Variants in PLOD1 observed in about 807,000 individuals in gnomAD.
PLOD1 encodes lysine hydroxylase.
A neutral mutation model predicts 94.7 loss-of-function variants in PLOD1; 70 were observed. The ratio of observed to expected loss-of-function variants is 0.74; its 90% CI spans 0.61 to 0.90. The LOEUF (loss-of-function observed/expected upper bound fraction) is 0.90, where lower values mean the gene tolerates loss of function less well. Among genes scored for constraint, PLOD1 ranks in the 40% least tolerant of loss-of-function variants. PLOD1 has a pLI of 0.00. For missense variants in PLOD1, 905 were observed against 972.7 expected (o/e 0.93, Z 0.93); for synonymous variants, 417 against 400.2 (o/e 1.04, Z -0.50).
chr1:11,954,528 G>A (rs564203102), intron 5 of PLOD1: 3 of 665,486 alleles, frequency 4.5e-6, no homozygotes, highest in Admixed American at 1.8e-5. Context: ...GTGTAGTGGA[G>A]TGCTTGGCAG....
Position 11,957,032 on chromosome 1 carries a change from C to A in PLOD1, c.741+18C>A. On this transcript the variant is annotated intron_variant, in intron 7 of 18. Transcript: ENST00000196061. The surrounding 1 kb of genome is among the most constrained non-coding windows in gnomAD (Gnocchi z 4.1). ...CAACCAAGGTAGGGGGTCCCCAGCC[C>A]CTGGGGAGTGTGGGAGGGGGCCAGA... 6.6e-7 allele frequency: 1 copy of A among 1,522,648 alleles called. No homozygotes were observed. Among genetic ancestry groups the A allele is most frequent in the South Asian group, 1.1e-5 (1 of 89,170 alleles). 94.3% of individuals were successfully genotyped at this position (1,522,648 alleles called of 1,614,324 possible).
In PLOD1 at chr1:11,967,658, A is replaced by AT. The variant is rs1553136726; in HGVS notation, c.1755+575dup. Among the ~76,000 whole-genome samples the AT allele has an allele frequency of 4.2e-3, 462 of 108,856 alleles. 9 individuals are homozygous for AT. The highest frequency in any genetic ancestry group is 0.011 in the South Asian group (32 of 2,956). The allele number at this position is 108,856 out of a possible 152,430, so 71.4% of individuals were successfully genotyped here. A position where few individuals can be genotyped will look rare whatever the true frequency, so the allele number is the denominator to read the frequency against. On this transcript the variant is annotated intron_variant, in intron 16 of 18. Transcript: ENST00000196061. ...ATTTTATTTATATATATATATATAT[A>AT]TTTTTTTTAAATAATAGAGACGGGG...
chr1:11,965,689 G>A (rs1245322262), intron 14 of PLOD1, 96 bp downstream of exon 14: 1 of 773,486 alleles, frequency 1.3e-6, no homozygotes, highest in African/African-American at 1.7e-5. Context: ...CAACAGCCAG[G>A]ACCCCTGTAG....
intron 1 of PLOD1, among the ~76,000 whole-genome samples, chr1:11,945,060 G>A (rs1645641096): frequency 6.6e-6 from 1 of 152,220 alleles, no homozygotes; most frequent in African/African-American, 2.4e-5. Context: ...AGAAATCCGA[G>A]AAGGCTTCAT....
At chr1:11,966,164 T>C (rs915551433) in intron 14 of PLOD1, 87 bp from the exon 15 acceptor site, 27 of 957,230 alleles carry the variant, frequency 2.8e-5, no homozygotes, top group Non-Finnish European at 4.5e-5. Flanking sequence ...ACGTACACCT[T>C]CACTCCCACT....
Position 11,964,855 on chromosome 1 carries a change from G to A in PLOD1, c.1470+70G>A, listed in dbSNP as rs1051101339. The A allele has an allele frequency of 2.0e-6, 3 of 1,534,812 alleles. No individual in the cohort carries two copies. The African/African-American group carries it at 4.1e-5, about 21-fold the overall frequency. On this transcript the variant is annotated intron_variant, in intron 13 of 18. Transcript: ENST00000196061. The stretch of plus-strand genomic sequence containing the variant: ...GGCGGGAAGGTGGGCCTCCAGCTCT[G>A]ACCCTCATGGTGGGCCGCCTTGTCA...
intron 4 of PLOD1, among the ~76,000 whole-genome samples, chr1:11,950,833 G>T (rs1484703906): frequency 6.6e-6 from 1 of 152,086 alleles, no homozygotes; most frequent in Non-Finnish European, 1.5e-5. Context: ...TCAGTCTGTT[G>T]CCCAGGCTGG....
chr1:11,970,675 C>G lies in PLOD1; in HGVS notation c.1761C>G (p.Asn587Lys), dbSNP rs780818096. The G allele has an allele frequency of 5.0e-6, 8 of 1,613,196 alleles. No homozygotes were observed. Among genetic ancestry groups the G allele is most frequent in the Non-Finnish European group, 6.8e-6 (8 of 1,179,916 alleles). Reference sequence around the variant, plus strand: ...TTCACCTCGGTCACCTCCAGGACAACCGCATCCAGGGTGGCTACGAGAACG... The same window carrying G: ...TTCACCTCGGTCACCTCCAGGACAAGCGCATCCAGGGTGGCTACGAGAACG... ...GQWSLGNNKD[N>K]RIQGGYENVP... The change falls in exon 17 of 19, where the codon AAC (asparagine) becomes AAG (lysine). Residue 587 changes from asparagine (N) to lysine (K), a missense_variant. Coordinates refer to ENST00000196061, the MANE Select transcript of PLOD1 (RefSeq NM_000302.4).
intron 1 of PLOD1, among the ~76,000 whole-genome samples, chr1:11,942,807 C>T (rs1645623750): frequency 6.6e-6 from 1 of 152,148 alleles, no homozygotes; most frequent in Non-Finnish European, 1.5e-5. Context: ...CCTGGGCCCA[C>T]CTCAGACCCC....
At chr1:11,955,435 TTTACAAAAGG>T (rs150409956) in intron 6 of PLOD1, among the ~76,000 whole-genome samples, 10,530 of 152,234 alleles carry the variant, frequency 0.069, 428 homozygotes, top group East Asian at 0.15. Context: ...TTTTCTTATC[TTTACAAAAGG>T]GAAGTGAACC....
intron 18 of PLOD1, among the ~76,000 whole-genome samples, chr1:11,974,141 T>C (rs1557502369): frequency 6.6e-6 from 1 of 151,722 alleles, no homozygotes; most frequent in Non-Finnish European, 1.5e-5. Flanking sequence ...AGAGTGGAGG[T>C]GATGTCTGCC....
At chr1:11,951,540 A>T (rs1645701742) in intron 4 of PLOD1, among the ~76,000 whole-genome samples, 1 of 146,962 alleles carries the variant, frequency 6.8e-6, no homozygotes, top group Non-Finnish European at 1.5e-5. Context: ...CACTCAAAAA[A>T]ATAAATAATT....
intron 1 of PLOD1, among the ~76,000 whole-genome samples, chr1:11,937,170 C>T (rs1198708376): frequency 6.6e-6 from 1 of 152,168 alleles, no homozygotes; most frequent in African/African-American, 2.4e-5. Flanking sequence ...TTCTTGAGTA[C>T]CTCCCTCGGA....
chr1:11,949,425 T>C (rs1645681272), intron 2 of PLOD1, among the ~76,000 whole-genome samples: 1 of 152,016 alleles, frequency 6.6e-6, no homozygotes, highest in Non-Finnish European at 1.5e-5. Flanking sequence ...ATTATTTCTT[T>C]TTCTCTTTTT....
At chr1:11,947,326 C>T (rs560748302) in intron 1 of PLOD1, among the ~76,000 whole-genome samples, 1 of 151,920 alleles carries the variant, frequency 6.6e-6, no homozygotes, top group East Asian at 1.9e-4. Context: ...GTAATCCCAG[C>T]ACTTTCGGAG....
In PLOD1 at chr1:11,963,618, T is replaced by A; in HGVS notation, c.1184T>A (p.Leu395Gln). ...CTGACCGAGCCCAACAGCCTGCGGCTGCTGATCCAACAGAACAAGTGAGGC... is the reference window on the plus strand; with the variant it reads ...CTGACCGAGCCCAACAGCCTGCGGCAGCTGATCCAACAGAACAAGTGAGGC... ...VALTEPNSLRLLIQQNKNVIA... is the reference protein window; with the variant it reads ...VALTEPNSLRQLIQQNKNVIA... The change falls in exon 11 of 19, where the codon CTG becomes CAG. Residue 395 changes from leucine (L) to glutamine (Q), a missense_variant. Physicochemically the swap from Leu to Gln is moderately radical, Grantham distance 113. Transcript: ENST00000196061. The surrounding 1 kb of genome is among the most constrained non-coding windows in gnomAD (Gnocchi z 4.3). The A allele has an allele frequency of 6.3e-7, 1 of 1,597,070 alleles. No individual in the cohort carries two copies. Among genetic ancestry groups the A allele is most frequent in the Non-Finnish European group, 8.5e-7 (1 of 1,172,370 alleles).
At chr1:11,942,180 A>G (rs1645620386) in intron 1 of PLOD1, among the ~76,000 whole-genome samples, 1 of 151,546 alleles carries the variant, frequency 6.6e-6, no homozygotes, top group Non-Finnish European at 1.5e-5. Context: ...ACGGGGTTTC[A>G]CCATGTTGGC....
Position 11,949,811 on chromosome 1 carries a change from G to A in PLOD1, c.207G>A (p.Gly69=). ...GGGAGGACTGGAATGTGGAGAAGGG[G>A]ACGTCGGCAGGTGGAGGGCAGAAGG... ...GLGEDWNVEK[G]TSAGGGQKVR... is the part of the protein sequence containing the mutation. The change falls in exon 3 of 19, where the codon GGG becomes GGA. Residue 69 remains glycine (G), a synonymous_variant. Coordinates refer to ENST00000196061, the MANE Select transcript of PLOD1 (RefSeq NM_000302.4). 1 of 1,614,120 alleles carries A rather than the reference G, an allele frequency of 6.2e-7. No individual in the cohort carries two copies. Among genetic ancestry groups the A allele is most frequent in the Non-Finnish European group, 8.5e-7 (1 of 1,179,972 alleles).
chr1:11,935,912 C>T (rs1645575039), intron 1 of PLOD1, among the ~76,000 whole-genome samples: 1 of 151,740 alleles, frequency 6.6e-6, no homozygotes, highest in Non-Finnish European at 1.5e-5. Context: ...CGTGAGCCAT[C>T]GCGCCCGGCC....
Sources: allele counts gnomAD v4.1 joint callset (sites outside exome capture counted in the v4.1 genomes callset), GRCh38; gene constraint gnomAD v4.1.1; non-coding constraint Gnocchi (gnomAD v3.1); transcripts MANE v1.5; gene names NCBI Gene and HGNC (gene_info 2026-07-23, HGNC 2026-07-21).